SCN8A: variants seen among roughly 807,000 people sequenced by gnomAD.
SCN8A encodes sodium voltage-gated channel alpha subunit 8, also known as sodium channel protein type 8 subunit alpha.
SCN8A carries 30 observed loss-of-function variants against 184.1 expected under a neutral mutation model. The ratio of observed to expected loss-of-function variants is 0.16; its 90% CI spans 0.12 to 0.22. SCN8A has a LOEUF of 0.22. SCN8A is among the 10% of genes least tolerant of loss of function. The pLI is 1.00. For missense variants in SCN8A, 1,057 were observed against 2,498.9 expected, an observed-to-expected ratio of 0.42 and a Z score of 12.30; for synonymous variants, 852 against 907.0, an observed-to-expected ratio of 0.94 and a Z score of 1.09.
rs548874755 is a variant in SCN8A, at chr12:51,632,580, C to T, written c.-54-30184C>T. On this transcript the variant is annotated intron_variant, in intron 1 of 26. Transcript: ENST00000627620. ...TCAAGCATTGTCCACAACCTAGGGTCGTATCATAACAGTTCTTTTGGCTGA... is the reference window on the plus strand; with the variant it reads ...TCAAGCATTGTCCACAACCTAGGGTTGTATCATAACAGTTCTTTTGGCTGA... 1.2e-4 allele frequency among the ~76,000 whole-genome samples: 19 copies of T among 152,232 alleles called. 1 individual carries two copies. In the South Asian group the frequency reaches 2.5e-3, roughly 20 times the overall value.
chr12:51,774,529 AG>A (rs1439826450), intron 20 of SCN8A, among the ~76,000 whole-genome samples, 167 bp downstream of exon 20: 2 of 152,180 alleles, frequency 1.3e-5, no homozygotes, highest in African/African-American at 4.8e-5. Context: ...CATATTAGGA[AG>A]GGGAACTCTG....
intron 11 of SCN8A, among the ~76,000 whole-genome samples, chr12:51,711,089 C>T (rs1472336891): frequency 6.6e-6 from 1 of 152,210 alleles, no homozygotes; most frequent in Non-Finnish European, 1.5e-5. Flanking sequence ...CTCCTTTCTT[C>T]TAGTTCAGCC....
intron 1 of SCN8A, among the ~76,000 whole-genome samples, chr12:51,593,107 ATTTTTC>A (rs1409826541): frequency 6.6e-6 from 1 of 151,990 alleles, no homozygotes. Context: ...ATACTGCAGC[ATTTTTC>A]TTTGGAGCTC....
chr12:51,728,961 G>T (rs1457687298), intron 12 of SCN8A, among the ~76,000 whole-genome samples: 1 of 152,012 alleles, frequency 6.6e-6, no homozygotes, highest in Non-Finnish European at 1.5e-5. Flanking sequence ...TTTCTCACCT[G>T]TAAATCTTTG....
chr12:51,664,090 T>C (rs933496075), intron 2 of SCN8A, among the ~76,000 whole-genome samples: 5 of 151,778 alleles, frequency 3.3e-5, no homozygotes, highest in Admixed American at 3.3e-4. Context: ...AGTGGAACCA[T>C]TAGTCTGTTC....
chr12:51,715,117 G>A (rs1010373426), intron 11 of SCN8A, among the ~76,000 whole-genome samples: 1 of 152,210 alleles, frequency 6.6e-6, no homozygotes. Context: ...GGTACAAGGA[G>A]AAATGGAGCA....
chr12:51,618,063 C>G (rs576649436), intron 1 of SCN8A, among the ~76,000 whole-genome samples: 1 of 152,306 alleles, frequency 6.6e-6, no homozygotes, highest in East Asian at 1.9e-4. Context: ...TCCCATCCTG[C>G]TACCCTGCCT....
chr12:51,644,899 G>A lies in SCN8A; in HGVS notation c.-54-17865G>A, dbSNP rs532127146. Among the ~76,000 whole-genome samples the A allele has an allele frequency of 1.9e-3, 285 of 151,772 alleles. 1 individual carries two copies. The highest frequency in any genetic ancestry group is 6.5e-3 in the African/African-American group (268 of 41,354). ...TCTGCCTGGCAACCGCCCCGTCTGA[G>A]AAGTGAGGAGACCCTCCGCCCGGCA... On this transcript the variant is annotated intron_variant, in intron 1 of 26. Transcript: ENST00000627620.
chr12:51,597,848 C>G (rs2138551407), intron 1 of SCN8A, among the ~76,000 whole-genome samples: 1 of 152,210 alleles, frequency 6.6e-6, no homozygotes, highest in East Asian at 1.9e-4. Context: ...ATTAATTCCT[C>G]AATTAAGGAT....
rs945271811 is a variant in SCN8A at position 51,729,657 on chromosome 12, G to A, written c.1998+7749G>A. 4.6e-5 allele frequency among the ~76,000 whole-genome samples: 7 copies of A among 152,078 alleles called. 1 individual carries two copies. Among genetic ancestry groups the A allele is most frequent in the Non-Finnish European group, 8.8e-5 (6 of 67,994 alleles). On this transcript the variant is annotated intron_variant, in intron 12 of 26. Transcript: ENST00000627620. ...TATAAAACTCTTTTAGAACATAAAC[G>A]TTTTCATTTATATTGGGTAGATACA...
intron 11 of SCN8A, among the ~76,000 whole-genome samples, chr12:51,707,564 A>G (rs1482251320): frequency 6.6e-6 from 1 of 152,116 alleles, no homozygotes; most frequent in Non-Finnish European, 1.5e-5. Context: ...AATGGTGCCC[A>G]CCACATTAAG....
intron 1 of SCN8A, among the ~76,000 whole-genome samples, chr12:51,623,925 C>T (rs1940020174): frequency 1.3e-5 from 2 of 152,142 alleles, no homozygotes; most frequent in Non-Finnish European, 2.9e-5. Context: ...TCATCCATGT[C>T]CCTACAAAGG....
At chr12:51,663,189 G>A in intron 2 of SCN8A, 96 bp downstream of exon 2, 2 of 1,395,638 alleles carry the variant, frequency 1.4e-6, no homozygotes, top group Non-Finnish European at 2.0e-6. Flanking sequence ...CCAAAGTTTG[G>A]ATAAGTAGTT....
intron 14 of SCN8A, among the ~76,000 whole-genome samples, chr12:51,754,818 G>A (rs1001329090): frequency 6.6e-6 from 1 of 152,182 alleles, no homozygotes; most frequent in East Asian, 1.9e-4. Context: ...CTGCATTTTG[G>A]TAGGAATATC....
chr12:51,756,500 C>G (rs1287062315), intron 14 of SCN8A, among the ~76,000 whole-genome samples: 1 of 152,214 alleles, frequency 6.6e-6, no homozygotes, highest in Non-Finnish European at 1.5e-5. Context: ...CTTTACCTTA[C>G]TTAAGCTCTG....
Position 51,591,312 on chromosome 12 carries a change from G to A in SCN8A, c.-102G>A. The A allele has an allele frequency of 6.4e-6, 1 of 155,126 alleles. No homozygotes were observed. The highest frequency in any genetic ancestry group is 6.5e-5 in the Admixed American group (1 of 15,292). The allele number at this position is 155,126 out of a possible 1,614,324, so 9.6% of individuals were successfully genotyped here. On this transcript the variant is annotated 5_prime_UTR_variant, in exon 1 of 27. Transcript: ENST00000627620. ...CCTTTGCAGTCCGGCCGCGCCTCCCGGGCCCCGCGTTAGGGCCGCCGCTGC... is the reference window on the plus strand; with the variant it reads ...CCTTTGCAGTCCGGCCGCGCCTCCCAGGCCCCGCGTTAGGGCCGCCGCTGC...
In SCN8A at chr12:51,770,697, G is replaced by A. The variant is rs202031360; in HGVS notation, c.3645+14G>A. 1 of 1,613,080 alleles carries A rather than the reference G, an allele frequency of 6.2e-7. No homozygotes were observed. The highest frequency in any genetic ancestry group is 1.1e-5 in the South Asian group (1 of 90,908). On this transcript the variant is annotated intron_variant, in intron 19 of 26. Transcript: ENST00000627620. ...AGTGGCGCCCTGGTGAGGTCCAGGG[G>A]AGAGTGTGAGGAGGGATTGGCTGGG...
At chr12:51,689,202 T>A in intron 6 of SCN8A, 106 bp downstream of exon 6, 1 of 843,896 alleles carries the variant, frequency 1.2e-6, no homozygotes, top group Non-Finnish European at 1.9e-6. Context: ...ATAATGGCCT[T>A]GCATTCTGCA....
chr12:51,734,615 G>A (rs1486486986), intron 12 of SCN8A, among the ~76,000 whole-genome samples: 1 of 152,198 alleles, frequency 6.6e-6, no homozygotes, highest in East Asian at 1.9e-4. Flanking sequence ...TTGGGTGTGA[G>A]GGCCATCATG....
Sources: gnomAD v4.1 joint callset for allele counts (sites outside exome capture counted in the v4.1 genomes callset) on GRCh38, gnomAD v4.1.1 for gene constraint, MANE v1.5 for transcripts, NCBI Gene and HGNC (gene_info 2026-07-23, HGNC 2026-07-21) for gene names.